The following DPY19L3 variants were observed in gnomAD, a reference collection of about 807,000 sequenced individuals.
The protein encoded by DPY19L3 is dpy-19 like C-mannosyltransferase 3.
Under a neutral mutation model 92.3 loss-of-function variants are expected in DPY19L3, and 51 were observed. The ratio of observed to expected loss-of-function variants is 0.55; its 90% CI spans 0.44 to 0.70. The LOEUF (loss-of-function observed/expected upper bound fraction) is 0.70, where lower values mean the gene tolerates loss of function less well. Among genes scored for constraint, DPY19L3 ranks in the 30% least tolerant of loss-of-function variants. The pLI, the probability that DPY19L3 is intolerant of heterozygous loss-of-function variation, is 0.00. For missense variants in DPY19L3, 706 were observed against 855.9 expected (o/e 0.82, Z 2.18); for synonymous variants, 309 against 315.2 (o/e 0.98, Z 0.21).
intron 3 of DPY19L3, chr19:32,412,323 T>G (rs927741835): frequency 2.6e-5 from 4 of 152,020 alleles, no homozygotes; most frequent in African/African-American, 9.7e-5. Flanking sequence ...AAAGAAAGAA[T>G]ACTATCACAT....
intron 6 of DPY19L3, among the ~76,000 whole-genome samples, chr19:32,438,680 G>A (rs961246254): frequency 3.9e-5 from 6 of 152,232 alleles, no homozygotes; most frequent in Non-Finnish European, 8.8e-5. Context: ...TCACATTCTA[G>A]AGAGGCAGGA....
At chr19:32,448,808 G>A (rs1431514487) in intron 8 of DPY19L3, among the ~76,000 whole-genome samples, 1 of 152,098 alleles carries the variant, frequency 6.6e-6, no homozygotes, top group East Asian at 1.9e-4. Context: ...TTTCTATACT[G>A]TACTGTACTA....
chr19:32,463,336 T>G (rs1251671806), intron 12 of DPY19L3, 30 bp from the exon 13 acceptor site: 1 of 1,611,398 alleles, frequency 6.2e-7, no homozygotes, highest in Non-Finnish European at 8.5e-7. Context: ...TGTTTCCAGC[T>G]TAAATTTTGT....
chr19:32,480,374 AT>A (rs1205447443), intron 17 of DPY19L3, 24 bp from the exon 18 acceptor site: 1 of 1,596,844 alleles, frequency 6.3e-7, no homozygotes, highest in Non-Finnish European at 8.5e-7. Flanking sequence ...CATTTGCCAC[AT>A]TGCATTTTTA....
chr19:32,453,097 G>T, intron 8 of DPY19L3, 48 bp from the exon 9 acceptor site: 2 of 1,606,960 alleles, frequency 1.2e-6, no homozygotes, highest in South Asian at 2.2e-5. Context: ...GACATGTGAT[G>T]ATCTCTTGGT....
chr19:32,456,790 C>T (rs1156550220), intron 10 of DPY19L3, among the ~76,000 whole-genome samples: 1 of 152,120 alleles, frequency 6.6e-6, no homozygotes, highest in East Asian at 1.9e-4. Context: ...TTATTACACA[C>T]TATATGCCTG....
intron 15 of DPY19L3, among the ~76,000 whole-genome samples, chr19:32,465,739 T>G (rs973097861): frequency 6.6e-6 from 1 of 152,152 alleles, no homozygotes; most frequent in Non-Finnish European, 1.5e-5. Flanking sequence ...TTGTAAATAT[T>G]TCAAAAAAAT....
At chr19:32,467,297 TC>T (rs1970230408) in intron 15 of DPY19L3, among the ~76,000 whole-genome samples, 1 of 152,194 alleles carries the variant, frequency 6.6e-6, no homozygotes, top group African/African-American at 2.4e-5. Context: ...TAGAAAAATA[TC>T]TAATATTCAT....
intron 18 of DPY19L3, chr19:32,480,961 C>G (rs1319625043): frequency 2.4e-6 from 1 of 416,032 alleles, no homozygotes; most frequent in African/African-American, 2.0e-5. Context: ...CTCCTGCCCT[C>G]CGGTCTAGGT....
At chr19:32,457,786 A>G (rs560786171) in intron 10 of DPY19L3, among the ~76,000 whole-genome samples, 1 of 152,326 alleles carries the variant, frequency 6.6e-6, no homozygotes, top group African/African-American at 2.4e-5. Flanking sequence ...ACTTATGCAC[A>G]CTATGCCTCA....
rs200057970 is a variant in DPY19L3, at chr19:32,458,142, C to T, written c.1132C>T (p.Leu378=). 3.2e-5 allele frequency: 51 copies of T among 1,613,680 alleles called. No individual in the cohort carries two copies. The highest frequency in any genetic ancestry group is 3.3e-4 in the Middle Eastern group (2 of 6,080). Residue 378 remains leucine (L), a synonymous_variant, in exon 11 of 19, where the codon CTG becomes TTG. Coordinates refer to ENST00000392250, the MANE Select transcript of DPY19L3 (RefSeq NM_001172774.2). The part of the protein sequence containing the change: ...LKSDEHIFKF[L]KAKFGLGATR... ...GTCAGATGAACACATATTTAAATTTCTGAAGGCAAAATTTGGGCTTGGAGC... is the reference window on the plus strand; with the variant it reads ...GTCAGATGAACACATATTTAAATTTTTGAAGGCAAAATTTGGGCTTGGAGC...
chr19:32,470,336 C>T (rs1477575051), intron 16 of DPY19L3, among the ~76,000 whole-genome samples: 1 of 152,132 alleles, frequency 6.6e-6, no homozygotes, highest in East Asian at 1.9e-4. Context: ...AAATTTATGA[C>T]GTACATCTGA....
At chr19:32,475,651 T>C (rs565119874) in intron 16 of DPY19L3, among the ~76,000 whole-genome samples, 3 of 152,358 alleles carry the variant, frequency 2.0e-5, no homozygotes, top group East Asian at 1.9e-4. Flanking sequence ...AGTAAGTGTT[T>C]AGTAAGTGTC....
chr19:32,428,338 A>G (rs544850296), intron 3 of DPY19L3, among the ~76,000 whole-genome samples: 1 of 151,394 alleles, frequency 6.6e-6, no homozygotes, highest in East Asian at 2.0e-4. Context: ...TGTTTTTTTT[A>G]AAAAAAAGCA....
At chr19:32,425,797 T>C (rs114900096) in intron 3 of DPY19L3, among the ~76,000 whole-genome samples, 3 of 152,262 alleles carry the variant, frequency 2.0e-5, no homozygotes, top group African/African-American at 7.2e-5. Context: ...CCATCTTTAG[T>C]GCACAAGCAG....
intron 7 of DPY19L3, 31 bp from the exon 8 acceptor site, chr19:32,439,743 CAT>C (rs754157236): frequency 5.6e-6 from 9 of 1,606,028 alleles, no homozygotes; most frequent in Admixed American, 1.7e-5. Flanking sequence ...TTACTAGAGA[CAT>C]GTAAATTATA....
chr19:32,472,908 A>G (rs1229937817), intron 16 of DPY19L3, among the ~76,000 whole-genome samples: 2 of 152,220 alleles, frequency 1.3e-5, no homozygotes. Context: ...ACCAAAGCAG[A>G]AAGTTCGTGT....
chr19:32,414,752 A>C (rs747540966), intron 3 of DPY19L3, among the ~76,000 whole-genome samples: 1 of 152,268 alleles, frequency 6.6e-6, no homozygotes, highest in African/African-American at 2.4e-5. Context: ...AGACATGTTG[A>C]AAGAGATCAT....
intron 8 of DPY19L3, among the ~76,000 whole-genome samples, chr19:32,445,925 C>T (rs1006346111): frequency 1.3e-5 from 2 of 152,002 alleles, no homozygotes; most frequent in African/African-American, 4.8e-5. Context: ...TGCTTTGAAC[C>T]TAGGAGGCGG....
Sources: allele counts gnomAD v4.1 joint callset (sites outside exome capture counted in the v4.1 genomes callset), GRCh38; gene constraint gnomAD v4.1.1; transcripts MANE v1.5; gene names NCBI Gene and HGNC (gene_info 2026-07-23, HGNC 2026-07-21).